Variants in DYM observed in about 807,000 individuals in gnomAD.
DYM encodes the protein dymeclin, also known as dyggve-Melchior-Clausen syndrome protein.
A neutral mutation model predicts 93.1 loss-of-function variants in DYM; 78 were observed. The observed-to-expected ratio is 0.84, with a 90% CI of 0.70 to 1.01. DYM has a LOEUF of 1.01. Among genes scored for constraint, DYM ranks in the 50% least tolerant of loss-of-function variants. The probability of loss-of-function intolerance (pLI) is 0.00; values close to 1 mark genes in which losing one functional copy is unlikely to be tolerated. For missense variants in DYM, 789 were observed against 845.0 expected (o/e 0.93, Z 0.82); for synonymous variants, 321 against 319.7 (o/e 1.00, Z -0.04).
intron 16 of DYM, among the ~76,000 whole-genome samples, chr18:49,100,205 A>T (rs1348719411): frequency 6.6e-6 from 1 of 152,114 alleles, no homozygotes; most frequent in Non-Finnish European, 1.5e-5. Context: ...AACAGCTCTA[A>T]TATTTTCTTT....
intron 14 of DYM, among the ~76,000 whole-genome samples, chr18:49,203,951 T>C (rs1436065588): frequency 6.9e-6 from 1 of 145,426 alleles, no homozygotes; most frequent in East Asian, 2.1e-4. Flanking sequence ...TTAGCTCTAC[T>C]TTTACTTGAG....
intron 15 of DYM, among the ~76,000 whole-genome samples, chr18:49,136,737 A>T (rs1393920390): frequency 6.6e-6 from 1 of 152,206 alleles, no homozygotes; most frequent in African/African-American, 2.4e-5. Context: ...GAGGCAAAGA[A>T]AAGTTGATAT....
At chr18:49,161,158 C>T (rs1330661156) in intron 15 of DYM, among the ~76,000 whole-genome samples, 2 of 150,910 alleles carry the variant, frequency 1.3e-5, no homozygotes. Context: ...GAAGCAGATG[C>T]TTTAAGAAAT....
rs148125643 is a variant in DYM, at chr18:49,146,449, T to C, written c.1728+17236A>G. ...ATGATTGTATATCTAGAAAACCCCA[T>C]TGTCTCAGCACAAAATCTCCTTAAA... is the stretch of plus-strand genomic sequence containing the variant. On this transcript the variant is annotated intron_variant, in intron 15 of 17. Transcript: ENST00000675505. Among the ~76,000 whole-genome samples, 506 of 152,318 alleles carry C rather than the reference T, an allele frequency of 3.3e-3. 3 individuals are homozygous for C. The highest frequency in any genetic ancestry group is 0.011 in the African/African-American group (443 of 41,576).
chr18:49,214,524 A>G (rs1179864527), intron 13 of DYM, among the ~76,000 whole-genome samples: 1 of 151,916 alleles, frequency 6.6e-6, no homozygotes, highest in African/African-American at 2.4e-5. Context: ...GTCACAGAAT[A>G]TACATTTAAA....
Position 49,201,470 on chromosome 18 carries a change from C to T in DYM, c.1625+8081G>A, listed in dbSNP as rs78495691. On this transcript the variant is annotated intron_variant, in intron 14 of 17. Transcript: ENST00000675505. ...GACAGTCATCAGACGCAGCATGCTT[C>T]GACCACATCAGTCAGGCTCAAAAGC... is the stretch of plus-strand genomic sequence containing the variant. Among the ~76,000 whole-genome samples, 1,513 of 152,176 alleles carry T rather than the reference C, an allele frequency of 9.9e-3. 42 individuals are homozygous for T. Among genetic ancestry groups the T allele is most frequent in the South Asian group, 0.075 (360 of 4,826 alleles).
intron 17 of DYM, among the ~76,000 whole-genome samples, chr18:49,081,895 G>A (rs2078079698): frequency 6.6e-6 from 1 of 152,244 alleles, no homozygotes; most frequent in Non-Finnish European, 1.5e-5. Flanking sequence ...GAAAGTGTCA[G>A]GAAGTAGGTT....
intron 15 of DYM, among the ~76,000 whole-genome samples, chr18:49,159,463 G>C (rs1206202331): frequency 1.3e-5 from 2 of 152,228 alleles, no homozygotes; most frequent in Non-Finnish European, 2.9e-5. Flanking sequence ...AGGTCAGCCA[G>C]TGATATAGTC....
intron 10 of DYM, among the ~76,000 whole-genome samples, chr18:49,277,891 G>C (rs2094884110): frequency 6.6e-6 from 1 of 152,226 alleles, no homozygotes; most frequent in African/African-American, 2.4e-5. Flanking sequence ...AGAATAAAGA[G>C]ATGAACAGTG....
intron 16 of DYM, among the ~76,000 whole-genome samples, chr18:49,097,874 GCTCTCTCTCTCTCTCTCT>G (rs61301668): frequency 0.012 from 1,648 of 141,288 alleles, 35 homozygotes; most frequent in African/African-American, 0.042. Context: ...CTTAATATTA[GCTCTCTCTCTCTCTCTCT>G]CTCTCTCTCT....
intron 13 of DYM, among the ~76,000 whole-genome samples, chr18:49,215,883 G>C (rs1482908173): frequency 6.6e-6 from 1 of 152,228 alleles, no homozygotes; most frequent in East Asian, 1.9e-4. Context: ...TCACTAGGGA[G>C]TGCCAGACAG....
chr18:49,250,306 C>T (rs950452994), intron 13 of DYM, among the ~76,000 whole-genome samples: 1 of 152,240 alleles, frequency 6.6e-6, no homozygotes, highest in African/African-American at 2.4e-5. Flanking sequence ...ACAGGACTTG[C>T]AACTCCAGGC....
At chr18:49,285,365 C>G (rs1464569788) in intron 9 of DYM, among the ~76,000 whole-genome samples, 1 of 152,188 alleles carries the variant, frequency 6.6e-6, no homozygotes, top group Non-Finnish European at 1.5e-5. Flanking sequence ...AATCACTGTA[C>G]TTCCCACCCA....
intron 13 of DYM, among the ~76,000 whole-genome samples, chr18:49,235,467 A>G (rs1439854662): frequency 3.5e-5 from 1 of 28,654 alleles, no homozygotes; most frequent in East Asian, 5.7e-4. Context: ...AAAAAATTTA[A>G]AAATAGATGT....
chr18:49,263,656 G>A (rs2094524735), intron 11 of DYM, among the ~76,000 whole-genome samples: 1 of 151,866 alleles, frequency 6.6e-6, no homozygotes, highest in Non-Finnish European at 1.5e-5. Context: ...TTGAACCTGG[G>A]AGGTGGAGGT....
At chr18:49,052,938 G>A (rs958051186) in intron 17 of DYM, among the ~76,000 whole-genome samples, 1 of 152,186 alleles carries the variant, frequency 6.6e-6, no homozygotes, top group African/African-American at 2.4e-5. Flanking sequence ...CTTTGGTGAG[G>A]AGCCCCTGGC....
chr18:49,059,243 T>C (rs2075752547), intron 17 of DYM, among the ~76,000 whole-genome samples: 1 of 152,162 alleles, frequency 6.6e-6, no homozygotes, highest in Non-Finnish European at 1.5e-5. Flanking sequence ...AACCACAAAG[T>C]GGGCCCTCAG....
chr18:49,376,536 G>C (rs2067522498), intron 5 of DYM, among the ~76,000 whole-genome samples: 1 of 152,174 alleles, frequency 6.6e-6, no homozygotes, highest in African/African-American at 2.4e-5. Flanking sequence ...ACAAACTTCT[G>C]ACCAAAGAAA....
At chr18:49,274,195 T>C (rs1233990374) in intron 10 of DYM, among the ~76,000 whole-genome samples, 2 of 150,196 alleles carry the variant, frequency 1.3e-5, no homozygotes, top group Non-Finnish European at 3.0e-5. Context: ...AAGGAACCAC[T>C]TTCTGTCTCT....
Sources: allele counts gnomAD v4.1 joint callset (sites outside exome capture counted in the v4.1 genomes callset), GRCh38; gene constraint gnomAD v4.1.1; transcripts MANE v1.5; gene names NCBI Gene and HGNC (gene_info 2026-07-23, HGNC 2026-07-21).